The following OBI1 variants were observed in gnomAD, a reference collection of about 807,000 sequenced individuals.
OBI1 encodes the protein ring finger protein 219.
OBI1 carries 59 observed loss-of-function variants against 62.4 expected under a neutral mutation model. That is an observed-to-expected ratio of 0.95 (90% confidence interval 0.77 to 1.17). OBI1 has a LOEUF of 1.17. Ranked by LOEUF, OBI1 falls within the 50% of genes most tolerant of loss-of-function variation. The probability of loss-of-function intolerance (pLI) is 0.00; values close to 1 mark genes in which losing one functional copy is unlikely to be tolerated. For missense variants in OBI1, 875 were observed against 830.9 expected (o/e 1.05, Z -0.65); for synonymous variants, 302 against 292.8 (o/e 1.03, Z -0.32).
At chr13:78,639,310 G>A (rs181793847) in intron 3 of OBI1, among the ~76,000 whole-genome samples, 1 of 152,290 alleles carries the variant, frequency 6.6e-6, no homozygotes, top group East Asian at 1.9e-4. Flanking sequence ...AATGTTAGTT[G>A]TGATTTTTAA....
chr13:78,647,314 T>C (rs1452512132), intron 1 of OBI1, among the ~76,000 whole-genome samples: 2 of 152,216 alleles, frequency 1.3e-5, no homozygotes, highest in Non-Finnish European at 2.9e-5. Context: ...GAATGGAATG[T>C]CTTGGTATAA....
chr13:78,642,340 TG>T, intron 2 of OBI1, 127 bp from the exon 3 acceptor site: 1 of 594,150 alleles, frequency 1.7e-6, no homozygotes, highest in Non-Finnish European at 3.0e-6. Flanking sequence ...CATACACACT[TG>T]GGGCTTACAT....
intron 5 of OBI1, chr13:78,620,620 GA>G (rs1875478705): frequency 2.2e-6 from 1 of 456,486 alleles, no homozygotes; most frequent in Non-Finnish European, 4.4e-6. Flanking sequence ...CTGGATGAGA[GA>G]GAAAAGGATG....
chr13:78,644,568 T>G (rs1876326479), intron 2 of OBI1, among the ~76,000 whole-genome samples: 2 of 152,174 alleles, frequency 1.3e-5, no homozygotes, highest in African/African-American at 4.8e-5. Flanking sequence ...TGAAGTTTCT[T>G]GCCTGAACTC....
chr13:78,635,935 G>A (rs1419037262), intron 4 of OBI1, among the ~76,000 whole-genome samples: 2 of 152,024 alleles, frequency 1.3e-5, no homozygotes, highest in Admixed American at 6.6e-5. Flanking sequence ...GCTAATTTTT[G>A]TATTTTAAGT....
At chr13:78,648,214 C>A (rs1876441623) in intron 1 of OBI1, among the ~76,000 whole-genome samples, 1 of 151,374 alleles carries the variant, frequency 6.6e-6, no homozygotes, top group South Asian at 2.1e-4. Flanking sequence ...GTCATGAAAT[C>A]TTTTAAGAGC....
At chr13:78,654,097 T>C (rs1876626754) in intron 1 of OBI1, among the ~76,000 whole-genome samples, 1 of 150,986 alleles carries the variant, frequency 6.6e-6, no homozygotes, top group Non-Finnish European at 1.5e-5. Flanking sequence ...TCCCCATTCC[T>C]GTCTAGGTAA....
At position 78,644,969 on chromosome 13, in the gene OBI1, T is replaced by C; in HGVS notation, c.101A>G (p.Asn34Ser). Residue 34 changes from asparagine to serine, a missense_variant, in exon 2 of 6, where the codon AAC (asparagine) becomes AGC (serine). Physicochemically the swap from Asn to Ser is conservative, Grantham distance 46 (BLOSUM62 1). Transcript: ENST00000282003. ...KVRQPVICIN[N>S]HVFCSICIDL... is the part of the protein sequence containing the mutation. ...AATACAAATCGAACAAAATACATGG[T>C]TGTTGATGCATATGACAGGCTGACG... is the stretch of plus-strand genomic sequence containing the variant. The C allele has an allele frequency of 6.2e-7, 1 of 1,613,682 alleles. No individual in the cohort carries two copies. The highest frequency in any genetic ancestry group is 1.1e-5 in the South Asian group (1 of 90,992).
At chr13:78,636,233 G>C (rs534628654) in intron 4 of OBI1, among the ~76,000 whole-genome samples, 60 of 152,262 alleles carry the variant, frequency 3.9e-4, no homozygotes, top group African/African-American at 1.3e-3. Context: ...CTGAAAACTA[G>C]TGTGCTTAAA....
At chr13:78,631,725 A>G (rs1188831686) in intron 5 of OBI1, among the ~76,000 whole-genome samples, 1 of 152,166 alleles carries the variant, frequency 6.6e-6, no homozygotes, top group Non-Finnish European at 1.5e-5. Context: ...ATTTTTGGCA[A>G]GGAACAGGAT....
chr13:78,616,867 G>A lies in OBI1; in HGVS notation c.894C>T (p.Ala298=). The A allele has an allele frequency of 1.9e-6, 3 of 1,614,152 alleles. No individual in the cohort carries two copies. Among genetic ancestry groups the A allele is most frequent in the Non-Finnish European group, 2.5e-6 (3 of 1,180,012 alleles). The change falls in exon 6 of 6, where the codon GCC becomes GCT. Residue 298 remains alanine, a synonymous_variant. Transcript: ENST00000282003. ...DVVSKNQGDS[A]RKQPGSSTSS... is the part of the protein sequence containing the mutation. ...AGGTGGATGAGCCAGGCTGCTTTCT[G>A]GCACTATCGCCTTGATTCTTTGACA...
intron 5 of OBI1, chr13:78,620,463 G>C (rs1270334324): frequency 1.9e-5 from 6 of 321,370 alleles, no homozygotes; most frequent in Non-Finnish European, 3.0e-5. Context: ...TTTCAAAGTA[G>C]CAGTGATGGC....
intron 3 of OBI1, among the ~76,000 whole-genome samples, chr13:78,640,023 A>AAAAC (rs1269086034): frequency 1.3e-5 from 2 of 152,152 alleles, no homozygotes; most frequent in Non-Finnish European, 2.9e-5. Context: ...AAAACAAAAC[A>AAAAC]AAACAAACAA....
At chr13:78,651,325 T>G (rs1448726520) in intron 1 of OBI1, among the ~76,000 whole-genome samples, 7 of 152,224 alleles carry the variant, frequency 4.6e-5, no homozygotes, top group Admixed American at 3.3e-4. Context: ...TCCTAAAATA[T>G]GAATAAGCAG....
chr13:78,627,396 C>T (rs970307047), intron 5 of OBI1, among the ~76,000 whole-genome samples: 7 of 151,334 alleles, frequency 4.6e-5, no homozygotes, highest in African/African-American at 1.7e-4. Flanking sequence ...TTTGCTGCAC[C>T]TACTGACCCA....
rs1167410866 is a variant in OBI1, at chr13:78,639,032, T to C, written c.340A>G (p.Lys114Glu). ...GACTCCAAGCTGAGATTTTTACTCT[T>C]AAGCTCTTCTACTTCTTTCTGTAAA... ...DCLQKEVEELKSKNLSLESQI... is the reference protein window; with the variant it reads ...DCLQKEVEELESKNLSLESQI... Residue 114 changes from lysine to glutamate, a missense_variant, in exon 4 of 6, where the codon AAG (lysine) becomes GAG (glutamate). Physicochemically the swap from Lys to Glu is moderately conservative, Grantham distance 56. Transcript: ENST00000282003. 2 of 1,613,534 alleles carry C rather than the reference T, an allele frequency of 1.2e-6. No homozygotes were observed. The highest frequency in any genetic ancestry group is 1.7e-6 in the Non-Finnish European group (2 of 1,179,816).
In OBI1 at chr13:78,640,551, C is replaced by G. The variant is rs557370917; in HGVS notation, c.301-1480G>C. Among the ~76,000 whole-genome samples the G allele has an allele frequency of 3.3e-5, 5 of 152,208 alleles. No homozygotes were observed. The East Asian group carries it at 9.7e-4, about 29-fold the overall frequency. ...AAGATGATCGTGCCTGTAATCCCAG[C>G]ACTTCGGGAGGCCAAGGCAGGTGGG... is the stretch of plus-strand genomic sequence containing the variant. On this transcript the variant is annotated intron_variant, in intron 3 of 5. Coordinates refer to ENST00000282003, the MANE Select transcript of OBI1 (RefSeq NM_024546.4).
At chr13:78,617,702 T>A (rs1446385293) in intron 5 of OBI1, among the ~76,000 whole-genome samples, 1 of 152,226 alleles carries the variant, frequency 6.6e-6, no homozygotes, top group East Asian at 1.9e-4. Context: ...TTTCTGTGGC[T>A]TTTCAGAGCA....
chr13:78,625,583 T>C (rs1875642182), intron 5 of OBI1, among the ~76,000 whole-genome samples: 1 of 152,182 alleles, frequency 6.6e-6, no homozygotes, highest in Admixed American at 6.5e-5. Context: ...GCTTAGTCAT[T>C]AGCATGCACT....
Sources: gnomAD v4.1 joint callset for allele counts (sites outside exome capture counted in the v4.1 genomes callset) on GRCh38, gnomAD v4.1.1 for gene constraint, MANE v1.5 for transcripts, NCBI Gene and HGNC (gene_info 2026-07-23, HGNC 2026-07-21) for gene names.